The following SFTPC variants were observed in gnomAD, a reference collection of about 807,000 sequenced individuals.
The protein encoded by SFTPC is BRICHOS domain containing 6.
In SFTPC, 12 loss-of-function variants were observed where a neutral mutation model predicts 19.9. That is an observed-to-expected ratio of 0.60 (90% CI 0.39 to 0.98). The LOEUF (loss-of-function observed/expected upper bound fraction) is 0.98, where lower values mean the gene tolerates loss of function less well. Among genes scored for constraint, SFTPC ranks in the 50% least tolerant of loss-of-function variants. SFTPC has a pLI of 0.00. For missense variants in SFTPC, 219 were observed against 252.2 expected (o/e 0.87, Z 0.89); for synonymous variants, 123 against 103.3 (o/e 1.19, Z -1.16).
At chr8:22,157,963 G>A (rs1827562450), upstream of SFTPC, among the ~76,000 whole-genome samples, 1 of 152,120 alleles carries the variant, frequency 6.6e-6, no homozygotes, top group Admixed American at 6.5e-5. Flanking sequence ...AAAAGCTCTT[G>A]GGGGTCCTCA....
At position 22,163,218 on chromosome 8, in the gene SFTPC, C is replaced by T; in HGVS notation, c.324+16C>T. The T allele has an allele frequency of 4.3e-6, 7 of 1,614,160 alleles. No individual in the cohort carries two copies. Among genetic ancestry groups the T allele is most frequent in the Non-Finnish European group, 5.9e-6 (7 of 1,180,018 alleles). Reference sequence around the variant, plus strand: ...CTACCAGCAGGTGGGTATGCCCAGACCTCCTGACCCTGGGACCAATGACAA... The same window carrying T: ...CTACCAGCAGGTGGGTATGCCCAGATCTCCTGACCCTGGGACCAATGACAA... On this transcript the variant is annotated intron_variant, in intron 3 of 5. Coordinates refer to ENST00000679463, the MANE Select transcript of SFTPC (RefSeq NM_001317778.2).
chr8:22,161,210 C>T (rs938514173), upstream of SFTPC, among the ~76,000 whole-genome samples: 2 of 152,132 alleles, frequency 1.3e-5, no homozygotes, highest in Admixed American at 1.3e-4. Context: ...GAGGTTGGTA[C>T]CAGATATGTG....
At chr8:22,164,148 T>A (rs1301322070) in intron 5 of SFTPC, 89 bp downstream of exon 5, 1 of 1,564,554 alleles carries the variant, frequency 6.4e-7, no homozygotes, top group African/African-American at 1.4e-5. Flanking sequence ...GACCAGGCGC[T>A]GGGGCGTCCA....
upstream of SFTPC, chr8:22,157,387 C>T (rs1166263584): frequency 1.0e-5 from 2 of 196,330 alleles, no homozygotes; most frequent in Non-Finnish European, 2.1e-5. Context: ...TTTTTCAGTC[C>T]AGCCCTTTGT....
chr8:22,163,314 T>G, intron 3 of SFTPC, 112 bp downstream of exon 3: 1 of 1,552,266 alleles, frequency 6.4e-7, no homozygotes, highest in Non-Finnish European at 8.9e-7. Context: ...AGACCTTTTT[T>G]GCCTGAGCCC....
upstream of SFTPC, chr8:22,161,695 G>T (rs28438700): frequency 1.9e-6 from 3 of 1,607,164 alleles, no homozygotes; most frequent in Non-Finnish European, 2.5e-6. Context: ...GAACAAACAG[G>T]CTTCAAAGCC....
upstream of SFTPC, among the ~76,000 whole-genome samples, chr8:22,157,833 T>G (rs1451053497): frequency 3.9e-5 from 6 of 152,360 alleles, no homozygotes; most frequent in African/African-American, 1.4e-4. Context: ...AAATCGTTTT[T>G]CCATTAAAAA....
At chr8:22,161,053 T>A (rs190806001), upstream of SFTPC, among the ~76,000 whole-genome samples, 56 of 152,166 alleles carry the variant, frequency 3.7e-4, no homozygotes, top group Non-Finnish European at 1.3e-4. Context: ...AAGAAAGCAG[T>A]GTCAGACCTG....
chr8:22,161,317 C>T (rs1193428734), upstream of SFTPC, among the ~76,000 whole-genome samples: 1 of 152,168 alleles, frequency 6.6e-6, no homozygotes, highest in Non-Finnish European at 1.5e-5. Flanking sequence ...TGTCAAAGCA[C>T]CTCCTGCCTT....
chr8:22,163,737 GTCCAC>G (rs1727558348), intron 4 of SFTPC, 159 bp from the exon 5 acceptor site: 1 of 825,580 alleles, frequency 1.2e-6, no homozygotes. Flanking sequence ...GCTCAGCTGA[GTCCAC>G]TCACTACCTG....
chr8:22,161,203 G>A (rs934198439), upstream of SFTPC, among the ~76,000 whole-genome samples: 2 of 152,216 alleles, frequency 1.3e-5, no homozygotes, highest in Admixed American at 6.5e-5. Flanking sequence ...CAAGTTTGAG[G>A]TTGGTACCAG....
chr8:22,162,959 C>T (rs1827817026), intron 2 of SFTPC, 121 bp from the exon 3 acceptor site: 1 of 1,468,968 alleles, frequency 6.8e-7, no homozygotes, highest in African/African-American at 1.4e-5. Flanking sequence ...TTCCACTCAG[C>T]CTCCCTGAAC....
intron 3 of SFTPC, 93 bp from the exon 4 acceptor site, chr8:22,163,343 C>T (rs1282967439): frequency 2.0e-6 from 3 of 1,496,966 alleles, no homozygotes; most frequent in Non-Finnish European, 1.9e-6. Flanking sequence ...AGTATGACTC[C>T]CGTGCCCAAC....
upstream of SFTPC, among the ~76,000 whole-genome samples, chr8:22,158,107 T>C (rs1471593438): frequency 1.3e-5 from 2 of 152,216 alleles, no homozygotes; most frequent in Non-Finnish European, 2.9e-5. Context: ...GGAGCCTGGC[T>C]GTCAGCTGCC....
chr8:22,162,456 C>G, intron 1 of SFTPC, 118 bp from the exon 2 acceptor site: 1 of 1,123,328 alleles, frequency 8.9e-7, no homozygotes, highest in Non-Finnish European at 1.3e-6. Flanking sequence ...CCCTGTCCAT[C>G]CATCGCATCG....
chr8:22,164,153 C>A, intron 5 of SFTPC, 94 bp downstream of exon 5: 1 of 1,558,254 alleles, frequency 6.4e-7, no homozygotes, highest in Non-Finnish European at 8.7e-7. Context: ...GGCGCTGGGG[C>A]GTCCACTGAA....
upstream of SFTPC, chr8:22,161,779 C>G: frequency 6.2e-7 from 1 of 1,614,002 alleles, no homozygotes; most frequent in Non-Finnish European, 8.5e-7. Context: ...ATATAAGACC[C>G]TGGTCACACC....
At chr8:22,164,136 C>T in intron 5 of SFTPC, 77 bp downstream of exon 5, 1 of 1,583,980 alleles carries the variant, frequency 6.3e-7, no homozygotes, top group South Asian at 1.1e-5. Flanking sequence ...AGCGCTCGCG[C>T]TGACCAGGCG....
Position 22,164,051 on chromosome 8 carries a change from G to A in SFTPC, c.*10G>A, listed in dbSNP as rs773687273. 2 of 1,611,778 alleles carry A rather than the reference G, an allele frequency of 1.2e-6. No individual in the cohort carries two copies. The highest frequency in any genetic ancestry group is 1.7e-5 in the Admixed American group (1 of 60,034). ...GCTCTACTACATCTAGGACGCCTCC[G>A]GTGAGCAGGTGTGATCCCAGGGCCC... On this transcript the variant is annotated 3_prime_UTR_variant, in exon 5 of 6. Transcript: ENST00000679463.
Sources: gnomAD v4.1 joint callset for allele counts (sites outside exome capture counted in the v4.1 genomes callset) on GRCh38, gnomAD v4.1.1 for gene constraint, MANE v1.5 for transcripts, NCBI Gene and HGNC (gene_info 2026-07-23, HGNC 2026-07-21) for gene names.